Variants in DDR2 observed in about 807,000 individuals in gnomAD.
DDR2 encodes discoidin domain-containing receptor 2.
Under a neutral mutation model 94.9 loss-of-function variants are expected in DDR2, and 27 were observed. The observed-to-expected ratio is 0.28, with a 90% CI of 0.21 to 0.39. The LOEUF is 0.39. DDR2 is among the 10% of genes least tolerant of loss of function. DDR2 has a pLI of 1.00. For synonymous variants in DDR2, 382 were observed against 377.2 expected, an observed-to-expected ratio of 1.01 and a Z score of -0.15; for missense variants, 783 against 1,076.0, an observed-to-expected ratio of 0.73 and a Z score of 3.81.
rs969037708 is a variant in DDR2 at position 162,634,862 on chromosome 1, G to A, written c.-192+2231G>A. Reference sequence around the variant, plus strand: ...GGAGCTTCGTATCTAGCTGAGGGCAGATCCTTGACCCAGGACCTTCTTGTC... The same window carrying A: ...GGAGCTTCGTATCTAGCTGAGGGCAAATCCTTGACCCAGGACCTTCTTGTC... On this transcript the variant is annotated intron_variant, in intron 1 of 17. Coordinates refer to ENST00000367921, the MANE Select transcript of DDR2 (RefSeq NM_006182.4). Among the ~76,000 whole-genome samples the A allele has an allele frequency of 2.0e-5, 3 of 152,218 alleles. No individual in the cohort carries two copies. In the East Asian group the frequency reaches 5.8e-4, roughly 29 times the overall value.
intron 2 of DDR2, among the ~76,000 whole-genome samples, chr1:162,700,069 T>C (rs1405283857): frequency 6.6e-6 from 1 of 152,142 alleles, no homozygotes; most frequent in Non-Finnish European, 1.5e-5. Context: ...CAAAGGTAGT[T>C]ACTCATGAGA....
chr1:162,665,297 A>C (rs545085355), intron 2 of DDR2, among the ~76,000 whole-genome samples: 3 of 152,322 alleles, frequency 2.0e-5, no homozygotes, highest in African/African-American at 7.2e-5. Flanking sequence ...CTCACCCTCT[A>C]GATCTCAGAT....
chr1:162,745,660 A>G (rs1467413840), intron 3 of DDR2, among the ~76,000 whole-genome samples: 1 of 151,662 alleles, frequency 6.6e-6, no homozygotes, highest in Admixed American at 6.6e-5. Context: ...CAGGCTCTCT[A>G]TTCTGTCCTA....
At chr1:162,670,677 C>T (rs542979259) in intron 2 of DDR2, among the ~76,000 whole-genome samples, 1 of 150,472 alleles carries the variant, frequency 6.6e-6, no homozygotes, top group African/African-American at 2.4e-5. Context: ...AAACCCAATA[C>T]TTTGGATACG....
rs1351490347 is a variant in DDR2, at chr1:162,784,977, G to A, written c.*4731G>A. The A allele has an allele frequency of 6.6e-6, 1 of 152,182 alleles. No individual in the cohort carries two copies. Among genetic ancestry groups the A allele is most frequent in the African/African-American group, 2.4e-5 (1 of 41,446 alleles). 9.4% of individuals were successfully genotyped at this position (152,182 alleles called of 1,614,324 possible). The stretch of plus-strand genomic sequence containing the variant: ...AAACTGGCCTTGCTTGGATACAACA[G>A]GAAAGATACTATCTGGATAAAGTTC... On this transcript the variant is annotated 3_prime_UTR_variant, in exon 18 of 18. Coordinates refer to ENST00000367921, the MANE Select transcript of DDR2 (RefSeq NM_006182.4).
At chr1:162,706,462 C>A (rs1450163936) in intron 2 of DDR2, among the ~76,000 whole-genome samples, 1 of 152,204 alleles carries the variant, frequency 6.6e-6, no homozygotes, top group African/African-American at 2.4e-5. Flanking sequence ...GGAAAGCATA[C>A]ATTTACCTGG....
At chr1:162,650,685 C>T (rs549277805) in intron 1 of DDR2, among the ~76,000 whole-genome samples, 1 of 152,082 alleles carries the variant, frequency 6.6e-6, no homozygotes, top group Non-Finnish European at 1.5e-5. Context: ...TCCTTCTTCC[C>T]TCCTGTGCTA....
intron 2 of DDR2, among the ~76,000 whole-genome samples, chr1:162,667,059 TATCA>T (rs1658617620): frequency 6.6e-6 from 1 of 150,630 alleles, no homozygotes; most frequent in African/African-American, 2.5e-5. Context: ...TCTATCTATC[TATCA>T]ATCATCTATC....
At chr1:162,711,042 C>T (rs1410226350) in intron 2 of DDR2, among the ~76,000 whole-genome samples, 1 of 152,192 alleles carries the variant, frequency 6.6e-6, no homozygotes. Context: ...AAAGTCGAGG[C>T]CACCTCAGAT....
At chr1:162,680,051 TC>T (rs1173435873) in intron 2 of DDR2, among the ~76,000 whole-genome samples, 3 of 152,124 alleles carry the variant, frequency 2.0e-5, no homozygotes, top group Non-Finnish European at 2.9e-5. Flanking sequence ...TGTCTGTTGT[TC>T]CCCTCCTAGT....
At chr1:162,674,516 TTAA>T (rs780834953) in intron 2 of DDR2, among the ~76,000 whole-genome samples, 73 of 152,338 alleles carry the variant, frequency 4.8e-4, no homozygotes, top group Middle Eastern at 3.4e-3. Context: ...CTCCTAGGAC[TTAA>T]TAATACAGAG....
intron 6 of DDR2, 33 bp from the exon 7 acceptor site, chr1:162,755,631 G>A (rs372660330): frequency 3.0e-5 from 48 of 1,591,162 alleles, no homozygotes; most frequent in Non-Finnish European, 3.9e-5. Flanking sequence ...GGCCTGAGCA[G>A]TAGGCACTCA....
intron 8 of DDR2, among the ~76,000 whole-genome samples, chr1:162,760,440 A>G (rs1663661670): frequency 7.2e-6 from 1 of 139,536 alleles, no homozygotes; most frequent in African/African-American, 2.7e-5. Flanking sequence ...AACTACATAT[A>G]TATAACCATA....
At chr1:162,736,709 T>C (rs1465979042) in intron 3 of DDR2, among the ~76,000 whole-genome samples, 3 of 152,246 alleles carry the variant, frequency 2.0e-5, no homozygotes, top group Non-Finnish European at 4.4e-5. Context: ...ACTATGACAC[T>C]ATTTGCTTGC....
At chr1:162,656,850 A>ATTTTTTTTTTTTTTTTTTTTTTTTT (rs200776585) in intron 2 of DDR2, among the ~76,000 whole-genome samples, 1 of 99,728 alleles carries the variant, frequency 1.0e-5, no homozygotes, top group Non-Finnish European at 1.9e-5. Context: ...TTTTTTTTTT[A>ATTTTTTTTTTTTTTTTTTTTTTTTT]TTTTTTTTGT....
At chr1:162,772,436 T>A (rs1242364688) in intron 13 of DDR2, 189 bp downstream of exon 13, 1 of 655,632 alleles carries the variant, frequency 1.5e-6, no homozygotes, top group African/African-American at 1.8e-5. Flanking sequence ...GTGGAGTTCC[T>A]GGGACTTCTG....
rs761726921 is a variant in DDR2, at chr1:162,656,833, G to GTTTTTTTTTTTTTTTTTTTTTTT, written c.-28+1475_-28+1476insTTTTTTTTTTTTTTTTTTTTTTT. Among the ~76,000 whole-genome samples the GTTTTTTTTTTTTTTTTTTTTTTT allele has an allele frequency of 4.4e-4, 29 of 65,692 alleles. 12 individuals are homozygous for GTTTTTTTTTTTTTTTTTTTTTTT. The highest frequency in any genetic ancestry group is 1.3e-3 in the South Asian group (2 of 1,482). 43.1% of individuals were successfully genotyped at this position (65,692 alleles called of 152,430 possible). A position where few individuals can be genotyped will look rare whatever the true frequency, so the allele number is the denominator to read the frequency against. ...GGTCTTTTCTTCCCCTGCCACTGGA[G>GTTTTTTTTTTTTTTTTTTTTTTT]TTTTTTTTTTTTTTTTATTTTTTTT... On this transcript the variant is annotated intron_variant, in intron 2 of 17. Coordinates refer to ENST00000367921, the MANE Select transcript of DDR2 (RefSeq NM_006182.4).
At chr1:162,773,754 G>A (rs1004748813) in intron 14 of DDR2, among the ~76,000 whole-genome samples, 158 bp downstream of exon 14, 2 of 152,122 alleles carry the variant, frequency 1.3e-5, no homozygotes, top group Admixed American at 6.5e-5. Context: ...CGATGGGGTC[G>A]GCAGTCCTCA....
rs529767090 is a variant in DDR2, at chr1:162,712,097, C to G, written c.-27-6940C>G. ...GTTCCTAGCTGTGTCCCCATACCAT[C>G]CTATCTGAGCACTAGTGTGAAGCTT... is the stretch of plus-strand genomic sequence containing the variant. On this transcript the variant is annotated intron_variant, in intron 2 of 17. Transcript: ENST00000367921. 5.5e-4 allele frequency among the ~76,000 whole-genome samples: 84 copies of G among 151,690 alleles called. 1 individual carries two copies. The highest frequency in any genetic ancestry group is 1.9e-3 in the African/African-American group (77 of 41,282).
Sources: gnomAD v4.1 joint callset for allele counts (sites outside exome capture counted in the v4.1 genomes callset) on GRCh38, gnomAD v4.1.1 for gene constraint, MANE v1.5 for transcripts, NCBI Gene and HGNC (gene_info 2026-07-23, HGNC 2026-07-21) for gene names.